PTPRD: variants seen among roughly 807,000 people sequenced by gnomAD.
The protein encoded by PTPRD is protein tyrosine phosphatase receptor type D.
A neutral mutation model predicts 214.5 loss-of-function variants in PTPRD; 34 were observed. That is an observed-to-expected ratio of 0.16 (90% CI 0.12 to 0.21). The LOEUF (loss-of-function observed/expected upper bound fraction) is 0.21. Among genes scored for constraint, PTPRD ranks in the 10% least tolerant of loss-of-function variants. The pLI, the probability that PTPRD is intolerant of heterozygous loss-of-function variation, is 1.00. For synonymous variants in PTPRD, 1,128 were observed against 845.7 expected, an observed-to-expected ratio of 1.33 and a Z score of -5.79; for missense variants, 2,545 against 2,398.7, an observed-to-expected ratio of 1.06 and a Z score of -1.27.
At chr9:10,159,247 G>T (rs958044503) in intron 3 of PTPRD, among the ~76,000 whole-genome samples, 3 of 151,866 alleles carry the variant, frequency 2.0e-5, no homozygotes, top group African/African-American at 7.2e-5. Context: ...AAATCAACAG[G>T]TAAGTTAAAA....
intron 8 of PTPRD, among the ~76,000 whole-genome samples, chr9:9,408,380 C>A (rs1323466294): frequency 6.6e-6 from 1 of 151,678 alleles, no homozygotes; most frequent in Non-Finnish European, 1.5e-5. Context: ...TTTTCCCAAC[C>A]CATACAGCTC....
At chr9:9,808,734 A>T (rs2046214749) in intron 5 of PTPRD, among the ~76,000 whole-genome samples, 1 of 152,068 alleles carries the variant, frequency 6.6e-6, no homozygotes, top group South Asian at 2.1e-4. Flanking sequence ...CTAGAGACCC[A>T]ACTTTCATCT....
At chr9:8,680,717 C>A (rs2097534722) in intron 12 of PTPRD, among the ~76,000 whole-genome samples, 1 of 152,038 alleles carries the variant, frequency 6.6e-6, no homozygotes, top group Non-Finnish European at 1.5e-5. Flanking sequence ...TACAAATATG[C>A]CTATACTTCT....
chr9:8,615,488 A>C (rs536426767), intron 14 of PTPRD, among the ~76,000 whole-genome samples: 1 of 152,218 alleles, frequency 6.6e-6, no homozygotes, highest in South Asian at 2.1e-4. Context: ...ATGGCCTTTC[A>C]TGGTGTTTTG....
At chr9:9,455,578 C>G (rs1219041284) in intron 8 of PTPRD, among the ~76,000 whole-genome samples, 2 of 151,558 alleles carry the variant, frequency 1.3e-5, no homozygotes, top group Non-Finnish European at 3.0e-5. Flanking sequence ...TTAATATTAT[C>G]ATTACTCAGC....
At chr9:9,845,154 ATATATAGAGCAATATATATATATATATTG>A (rs2059265303) in intron 5 of PTPRD, among the ~76,000 whole-genome samples, 2 of 10,058 alleles carry the variant, frequency 2.0e-4, no homozygotes, top group Non-Finnish European at 7.1e-4. Flanking sequence ...ATATTGCTCT[ATATATAGAGCAATATATATATATATATTG>A]CTCTATATAT....
At chr9:9,634,477 T>C (rs903702307) in intron 7 of PTPRD, among the ~76,000 whole-genome samples, 45 of 152,154 alleles carry the variant, frequency 3.0e-4, no homozygotes, top group Non-Finnish European at 1.6e-4. Context: ...TGTGTGTTTG[T>C]TTCTGCTATT....
intron 11 of PTPRD, among the ~76,000 whole-genome samples, chr9:8,947,450 G>A (rs1377068500): frequency 1.5e-5 from 2 of 134,142 alleles, no homozygotes; most frequent in African/African-American, 2.9e-5. Flanking sequence ...ATGACAGAGC[G>A]AGACTCTGTC....
chr9:8,436,554 T>G, intron 35 of PTPRD, 38 bp downstream of exon 35: 1 of 1,486,332 alleles, frequency 6.7e-7, no homozygotes, highest in Non-Finnish European at 9.4e-7. Context: ...GAAGAGTAAC[T>G]CTTGAAATTA....
intron 3 of PTPRD, among the ~76,000 whole-genome samples, chr9:10,073,221 GGGATACCA>G (rs1359135194): frequency 6.6e-6 from 1 of 152,020 alleles, no homozygotes; most frequent in East Asian, 1.9e-4. Context: ...ATATAGTTGT[GGGATACCA>G]GGATGGAATG....
intron 23 of PTPRD, among the ~76,000 whole-genome samples, chr9:8,502,834 A>ATG (rs2097440131): frequency 7.3e-6 from 1 of 137,418 alleles, no homozygotes; most frequent in African/African-American, 2.9e-5. Flanking sequence ...TCTATTCAAT[A>ATG]TGTATGTGTG....
At chr9:10,390,870 G>A (rs1402503343) in intron 2 of PTPRD, among the ~76,000 whole-genome samples, 1 of 151,556 alleles carries the variant, frequency 6.6e-6, no homozygotes, top group Non-Finnish European at 1.5e-5. Flanking sequence ...TAGGCTTTTG[G>A]GCTTAAAATA....
intron 8 of PTPRD, among the ~76,000 whole-genome samples, chr9:9,540,915 C>A (rs1245224255): frequency 2.6e-5 from 4 of 151,664 alleles, no homozygotes; most frequent in Non-Finnish European, 5.9e-5. Flanking sequence ...TATCCTAATA[C>A]TAAGAACAAT....
At chr9:10,039,326 C>A (rs1420277222) in intron 3 of PTPRD, among the ~76,000 whole-genome samples, 1 of 151,816 alleles carries the variant, frequency 6.6e-6, no homozygotes, top group African/African-American at 2.4e-5. Context: ...CTGAAAAATC[C>A]CAATTGTCCA....
rs563208408 is a variant in PTPRD at position 9,760,965 on chromosome 9, G to C, written c.-326+5845C>G. ...ACATCACTGCTAGGAATATAAAATG[G>C]TACAGCTACACTGAAAAACAGTTGG... On this transcript the variant is annotated intron_variant, in intron 6 of 45. Coordinates refer to ENST00000381196, the MANE Select transcript of PTPRD (RefSeq NM_002839.4). Among the ~76,000 whole-genome samples the C allele has an allele frequency of 2.0e-5, 3 of 152,218 alleles. No homozygotes were observed. The East Asian group carries it at 5.8e-4, about 29-fold the overall frequency.
chr9:9,054,642 C>G (rs1202695126), intron 10 of PTPRD, among the ~76,000 whole-genome samples: 1 of 152,116 alleles, frequency 6.6e-6, no homozygotes, highest in South Asian at 2.1e-4. Context: ...GAAATGTGCT[C>G]CAAACCTGTT....
chr9:10,508,062 C>G (rs1463820849), intron 2 of PTPRD, among the ~76,000 whole-genome samples: 1 of 152,118 alleles, frequency 6.6e-6, no homozygotes, highest in Non-Finnish European at 1.5e-5. Context: ...TGACAAAGGG[C>G]TAATATCCAC....
intron 12 of PTPRD, among the ~76,000 whole-genome samples, chr9:8,644,476 C>A (rs758419071): frequency 2.0e-5 from 3 of 152,178 alleles, no homozygotes; most frequent in African/African-American, 7.2e-5. Context: ...AGCTGTAACA[C>A]AAACAGGGCT....
rs139037276 is a variant in PTPRD, at chr9:9,013,819, G to C, written c.-104+4878C>G. On this transcript the variant is annotated intron_variant, in intron 11 of 45. Transcript: ENST00000381196. ...ATTGTCAACATTGGTTTAATCCTTG[G>C]AGTCCCACTAATTAAACCATTTCTT... Among the ~76,000 whole-genome samples the C allele has an allele frequency of 4.9e-3, 743 of 152,214 alleles. 4 individuals are homozygous for C. Among genetic ancestry groups the C allele is most frequent in the African/African-American group, 0.013 (540 of 41,554 alleles).
Sources: allele counts gnomAD v4.1 joint callset (sites outside exome capture counted in the v4.1 genomes callset), GRCh38; gene constraint gnomAD v4.1.1; transcripts MANE v1.5; gene names NCBI Gene and HGNC (gene_info 2026-07-23, HGNC 2026-07-21).